HS3ST4: variants seen among roughly 807,000 people sequenced by gnomAD.
HS3ST4 encodes heparan sulfate-glucosamine 3-sulfotransferase 4, also known as heparan sulfate glucosamine 3-O-sulfotransferase 4.
Under a neutral mutation model 29.2 loss-of-function variants are expected in HS3ST4, and 17 were observed. The ratio of observed to expected loss-of-function variants is 0.58; its 90% confidence interval spans 0.40 to 0.87. The LOEUF (loss-of-function observed/expected upper bound fraction) is 0.87, where lower values mean the gene tolerates loss of function less well. HS3ST4 is among the 40% of genes least tolerant of loss of function. The pLI is 0.00. For missense variants in HS3ST4, 627 were observed against 634.5 expected (o/e 0.99, Z 0.13); for synonymous variants, 314 against 285.7 (o/e 1.10, Z -1.00).
At chr16:26,000,016 T>C (rs1157695929) in intron 1 of HS3ST4, among the ~76,000 whole-genome samples, 1 of 150,780 alleles carries the variant, frequency 6.6e-6, no homozygotes, top group African/African-American at 2.4e-5. Context: ...TAGATAAATG[T>C]GTACATGTTG....
At chr16:25,840,442 G>A (rs1010998380) in intron 1 of HS3ST4, among the ~76,000 whole-genome samples, 2 of 152,152 alleles carry the variant, frequency 1.3e-5, no homozygotes, top group South Asian at 2.1e-4. Context: ...AATAGGTTAA[G>A]TTAAATAACT....
At chr16:26,099,371 G>T (rs955160128) in intron 1 of HS3ST4, among the ~76,000 whole-genome samples, 9 of 152,122 alleles carry the variant, frequency 5.9e-5, no homozygotes, top group African/African-American at 2.2e-4. Flanking sequence ...GCCCAGACTG[G>T]TCTCAAACTC....
intron 1 of HS3ST4, among the ~76,000 whole-genome samples, chr16:26,129,871 G>A (rs1296293197): frequency 6.6e-6 from 1 of 152,184 alleles, no homozygotes; most frequent in Non-Finnish European, 1.5e-5. Context: ...GTGAATGGCT[G>A]TGCTCAGTCT....
Position 25,692,688 on chromosome 16 carries a change from CT to C in HS3ST4, c.272del (p.Leu91ProfsTer59). On this transcript the variant is annotated frameshift_variant, in exon 1 of 2. Transcript: ENST00000331351. LOFTEE classifies it high-confidence loss of function. ...CTCTCTGCTGCCTACCCCCGTGCGC[CT>C]CGGCGCCCCCTCGCAGCCGCCCGCG... ...PPSLLPTPVR[L>X]GAPSQPPAPP... 1 of 1,235,962 alleles carries C rather than the reference CT, an allele frequency of 8.1e-7. No homozygotes were observed. Among genetic ancestry groups the C allele is most frequent in the Non-Finnish European group, 1.0e-6 (1 of 992,402 alleles). 76.6% of individuals were successfully genotyped at this position (1,235,962 alleles called of 1,614,324 possible).
At chr16:25,847,829 A>G (rs945337961) in intron 1 of HS3ST4, among the ~76,000 whole-genome samples, 2 of 152,132 alleles carry the variant, frequency 1.3e-5, no homozygotes, top group Non-Finnish European at 1.5e-5. Context: ...AGAAAATCCT[A>G]TTTGGTTCTG....
intron 1 of HS3ST4, among the ~76,000 whole-genome samples, chr16:26,049,897 C>A (rs1680231514): frequency 6.6e-5 from 10 of 152,172 alleles, no homozygotes; most frequent in Admixed American, 5.2e-4. Flanking sequence ...AAGAGGCGCA[C>A]AGGACAAAGC....
intron 1 of HS3ST4, among the ~76,000 whole-genome samples, chr16:26,021,462 A>T (rs573316163): frequency 6.6e-6 from 1 of 152,200 alleles, no homozygotes; most frequent in Admixed American, 6.5e-5. Context: ...GCCATTGTAG[A>T]TATTTGAGGT....
At chr16:25,923,541 T>G (rs1311834475) in intron 1 of HS3ST4, among the ~76,000 whole-genome samples, 3 of 152,308 alleles carry the variant, frequency 2.0e-5, no homozygotes, top group Non-Finnish European at 4.4e-5. Flanking sequence ...TTTTTTTGTT[T>G]GTTTGTTTTG....
At chr16:25,700,816 A>C (rs920927971) in intron 1 of HS3ST4, among the ~76,000 whole-genome samples, 2 of 152,222 alleles carry the variant, frequency 1.3e-5, no homozygotes, top group Non-Finnish European at 1.5e-5. Context: ...AATTAAAAGA[A>C]GGTGGTTGGC....
intron 1 of HS3ST4, among the ~76,000 whole-genome samples, chr16:25,839,535 T>C (rs1355707809): frequency 1.3e-5 from 2 of 152,248 alleles, no homozygotes; most frequent in Non-Finnish European, 2.9e-5. Flanking sequence ...CGGACTAGCA[T>C]TCTCATTGAG....
rs183223536 is a variant in HS3ST4, at chr16:25,833,212, G to A, written c.734+140061G>A. Among the ~76,000 whole-genome samples the A allele has an allele frequency of 4.6e-5, 7 of 152,282 alleles. No homozygotes were observed. The East Asian group carries it at 1.4e-3, about 29-fold the overall frequency. Reference sequence around the variant, plus strand: ...CTGAATTGATAGAAACCACATTGAAGTTGCATGCCCCTAAAGTTAGGATTC... The same window carrying A: ...CTGAATTGATAGAAACCACATTGAAATTGCATGCCCCTAAAGTTAGGATTC... On this transcript the variant is annotated intron_variant, in intron 1 of 1. Coordinates refer to ENST00000331351, the MANE Select transcript of HS3ST4 (RefSeq NM_006040.3).
At chr16:26,038,011 G>A (rs1444323618) in intron 1 of HS3ST4, among the ~76,000 whole-genome samples, 1 of 152,184 alleles carries the variant, frequency 6.6e-6, no homozygotes, top group Non-Finnish European at 1.5e-5. Context: ...TCTCTCAGAA[G>A]AGTAAAAGTC....
chr16:26,100,181 G>A (rs943544842), intron 1 of HS3ST4, among the ~76,000 whole-genome samples: 7 of 152,114 alleles, frequency 4.6e-5, no homozygotes, highest in Non-Finnish European at 8.8e-5. Context: ...ACAACCTATC[G>A]AGGGTACTAT....
At chr16:25,737,542 T>C (rs1388498711) in intron 1 of HS3ST4, among the ~76,000 whole-genome samples, 2 of 152,180 alleles carry the variant, frequency 1.3e-5, no homozygotes, top group African/African-American at 4.8e-5. Flanking sequence ...CTAAGTAATA[T>C]GTGCACATAG....
At chr16:25,977,174 G>C (rs1386184079) in intron 1 of HS3ST4, among the ~76,000 whole-genome samples, 2 of 152,076 alleles carry the variant, frequency 1.3e-5, no homozygotes, top group African/African-American at 4.8e-5. Flanking sequence ...TATATTACCA[G>C]AGTTGTCATT....
In HS3ST4 at chr16:25,902,697, C is replaced by A. The variant is rs1226749280; in HGVS notation, c.734+209546C>A. 2.6e-5 allele frequency among the ~76,000 whole-genome samples: 4 copies of A among 152,068 alleles called. No individual in the cohort carries two copies. In the East Asian group the frequency reaches 7.8e-4, roughly 29 times the overall value. On this transcript the variant is annotated intron_variant, in intron 1 of 1. Coordinates refer to ENST00000331351, the MANE Select transcript of HS3ST4 (RefSeq NM_006040.3). ...TGACCCAGGCTACACTTCCTAGACT[C>A]ATGAACGGGAACCCATAAAATCACA...
intron 1 of HS3ST4, among the ~76,000 whole-genome samples, chr16:25,813,260 A>G (rs1967059939): frequency 6.6e-6 from 1 of 152,194 alleles, no homozygotes; most frequent in African/African-American, 2.4e-5. Flanking sequence ...AGCCACTAAA[A>G]TGGCAAACAC....
chr16:26,016,452 G>A (rs1260282895), intron 1 of HS3ST4, among the ~76,000 whole-genome samples: 3 of 152,148 alleles, frequency 2.0e-5, no homozygotes, highest in Non-Finnish European at 4.4e-5. Context: ...TTATACCAAG[G>A]AGAATGTTTC....
chr16:25,701,551 C>A (rs761563258), intron 1 of HS3ST4, among the ~76,000 whole-genome samples: 1 of 152,154 alleles, frequency 6.6e-6, no homozygotes, highest in Non-Finnish European at 1.5e-5. Context: ...GATCCATCCC[C>A]GGCCAGGCAT....
Sources: allele counts gnomAD v4.1 joint callset (sites outside exome capture counted in the v4.1 genomes callset), GRCh38; gene constraint gnomAD v4.1.1; transcripts MANE v1.5; gene names NCBI Gene and HGNC (gene_info 2026-07-23, HGNC 2026-07-21).